WWOX: variants seen among roughly 807,000 people sequenced by gnomAD.
The protein encoded by WWOX is WW domain-containing oxidoreductase.
WWOX carries 69 observed loss-of-function variants against 46.2 expected under a neutral mutation model. The ratio of observed to expected loss-of-function variants is 1.49; its 90% CI spans 1.23 to 1.82. The LOEUF is 1.82. Ranked by LOEUF, WWOX falls within the 40% of genes most tolerant of loss-of-function variation. The pLI is 0.00. For synonymous variants in WWOX, 359 were observed against 202.6 expected (o/e 1.77, Z -6.56); for missense variants, 919 against 542.6 (o/e 1.69, Z -6.89).
At chr16:78,628,890 C>G (rs747560375) in intron 8 of WWOX, among the ~76,000 whole-genome samples, 2 of 152,138 alleles carry the variant, frequency 1.3e-5, no homozygotes, top group South Asian at 2.1e-4. Flanking sequence ...GTGATGGTCC[C>G]AGGCCCCCTC....
intron 5 of WWOX, among the ~76,000 whole-genome samples, chr16:78,203,565 T>A (rs1438990576): frequency 6.6e-6 from 1 of 152,176 alleles, no homozygotes; most frequent in Non-Finnish European, 1.5e-5. Context: ...TAGGCAAACT[T>A]GTTTTAGTTG....
At chr16:78,715,739 A>G (rs2048546346) in intron 8 of WWOX, among the ~76,000 whole-genome samples, 1 of 152,080 alleles carries the variant, frequency 6.6e-6, no homozygotes, top group African/African-American at 2.4e-5. Flanking sequence ...GGCCTCCCCA[A>G]ATTCTGGGAT....
At chr16:78,709,150 A>G (rs1404361674) in intron 8 of WWOX, among the ~76,000 whole-genome samples, 1 of 152,176 alleles carries the variant, frequency 6.6e-6, no homozygotes. Context: ...CCATGAAAAA[A>G]TAGAAATGGG....
intron 5 of WWOX, among the ~76,000 whole-genome samples, chr16:78,334,816 A>G (rs796406389): frequency 0.23 from 18,657 of 80,980 alleles, 1,299 homozygotes; most frequent in South Asian, 0.25. Context: ...ACGCACACAC[A>G]CACACACACA....
At chr16:78,268,056 C>T (rs545397897) in intron 5 of WWOX, among the ~76,000 whole-genome samples, 3 of 152,278 alleles carry the variant, frequency 2.0e-5, no homozygotes, top group East Asian at 3.9e-4. Context: ...TTGACTCAAG[C>T]GATCTGCCTG....
At chr16:79,194,616 C>T (rs1336700366) in intron 8 of WWOX, among the ~76,000 whole-genome samples, 4 of 152,142 alleles carry the variant, frequency 2.6e-5, no homozygotes, top group Non-Finnish European at 5.9e-5. Context: ...TTCTCCACCC[C>T]CGTTCAGTTC....
At chr16:78,756,909 C>T in intron 8 of WWOX, 4 of 703,018 alleles carry the variant, frequency 5.7e-6, no homozygotes, top group Non-Finnish European at 1.0e-5. Context: ...ATTGAGGCTT[C>T]TGCCTTACTG....
At chr16:78,160,069 C>A (rs2034740668) in intron 4 of WWOX, among the ~76,000 whole-genome samples, 1 of 151,804 alleles carries the variant, frequency 6.6e-6, no homozygotes, top group Non-Finnish European at 1.5e-5. Context: ...TTATAAGTTT[C>A]TCCTTTCTCC....
At chr16:78,797,234 C>T (rs7184456) in intron 8 of WWOX, among the ~76,000 whole-genome samples, 2 of 151,546 alleles carry the variant, frequency 1.3e-5, no homozygotes, top group Admixed American at 6.6e-5. Context: ...ATGAAGAGAA[C>T]CTGCTAAAGG....
At chr16:78,668,553 G>A (rs2047387091) in intron 8 of WWOX, among the ~76,000 whole-genome samples, 1 of 152,170 alleles carries the variant, frequency 6.6e-6, no homozygotes, top group Admixed American at 6.5e-5. Flanking sequence ...ATTTAGTGTG[G>A]CAAGGGGCGT....
At chr16:79,038,938 C>G (rs2047919870) in intron 8 of WWOX, among the ~76,000 whole-genome samples, 1 of 152,088 alleles carries the variant, frequency 6.6e-6, no homozygotes, top group South Asian at 2.1e-4. Context: ...CATTTCATGA[C>G]CACATATATC....
intron 8 of WWOX, among the ~76,000 whole-genome samples, chr16:79,012,057 G>C (rs896974271): frequency 6.6e-6 from 1 of 152,112 alleles, no homozygotes; most frequent in Non-Finnish European, 1.5e-5. Flanking sequence ...AGAATAAAGT[G>C]TCAAAGCCAA....
chr16:78,491,263 C>CT (rs2084778062), intron 8 of WWOX, among the ~76,000 whole-genome samples: 1 of 152,154 alleles, frequency 6.6e-6, no homozygotes, highest in South Asian at 2.1e-4. Context: ...ACCATGAGTG[C>CT]TTTTGTATCG....
At chr16:78,683,929 A>G (rs2047793281) in intron 8 of WWOX, among the ~76,000 whole-genome samples, 1 of 152,192 alleles carries the variant, frequency 6.6e-6, no homozygotes, top group Non-Finnish European at 1.5e-5. Context: ...AATGTTGGCA[A>G]GCTGAGGAAA....
intron 8 of WWOX, among the ~76,000 whole-genome samples, chr16:78,533,152 G>C (rs1263247205): frequency 6.6e-6 from 1 of 151,840 alleles, no homozygotes; most frequent in Non-Finnish European, 1.5e-5. Context: ...AAAGGTTGGA[G>C]CTCAAGGAAG....
At chr16:79,097,786 A>C (rs1300063924) in intron 8 of WWOX, among the ~76,000 whole-genome samples, 1 of 152,190 alleles carries the variant, frequency 6.6e-6, no homozygotes, top group Non-Finnish European at 1.5e-5. Context: ...AGCGGGGCTG[A>C]GAGTGGGAAC....
intron 5 of WWOX, among the ~76,000 whole-genome samples, chr16:78,181,440 C>T (rs1335510158): frequency 1.3e-5 from 2 of 152,034 alleles, no homozygotes; most frequent in East Asian, 1.9e-4. Context: ...GCCCCTAAAG[C>T]GGCCAGGAAA....
intron 6 of WWOX, among the ~76,000 whole-genome samples, chr16:78,419,586 A>G (rs2082875147): frequency 6.9e-6 from 1 of 144,522 alleles, no homozygotes. Flanking sequence ...AAAGAATGAG[A>G]TTAGATCACA....
At chr16:78,377,150 C>CAGA (rs1298932553) in intron 5 of WWOX, among the ~76,000 whole-genome samples, 2 of 152,192 alleles carry the variant, frequency 1.3e-5, no homozygotes, top group Non-Finnish European at 2.9e-5. Flanking sequence ...TCAGAATATA[C>CAGA]AGACTGTTGC....
Sources: gnomAD v4.1 joint callset for allele counts (sites outside exome capture counted in the v4.1 genomes callset) on GRCh38, gnomAD v4.1.1 for gene constraint, MANE v1.5 for transcripts, NCBI Gene and HGNC (gene_info 2026-07-23, HGNC 2026-07-21) for gene names.